GLYATL2: variants seen among roughly 807,000 people sequenced by gnomAD.
GLYATL2 encodes glycine N-acyltransferase-like protein 2.
In GLYATL2, 25 loss-of-function variants were observed where a neutral mutation model predicts 21.4. The observed-to-expected ratio is 1.17, with a 90% CI of 0.85 to 1.63. GLYATL2 has a LOEUF of 1.63. Among genes scored for constraint, GLYATL2 ranks in the 40% most tolerant of loss-of-function variants. The probability of loss-of-function intolerance (pLI) is 0.00; values close to 1 mark genes in which losing one functional copy is unlikely to be tolerated. For synonymous variants in GLYATL2, 114 were observed against 118.2 expected (o/e 0.96, Z 0.23); for missense variants, 361 against 343.3 (o/e 1.05, Z -0.41).
intron 1 of GLYATL2, among the ~76,000 whole-genome samples, chr11:58,869,777 A>G (rs552843370): frequency 7.7e-4 from 117 of 152,338 alleles, no homozygotes; most frequent in African/African-American, 2.6e-3. Context: ...GTAAAATAAA[A>G]ATAGAAATGT....
At chr11:58,851,293 G>A (rs746509997) in intron 1 of GLYATL2, among the ~76,000 whole-genome samples, 2 of 152,078 alleles carry the variant, frequency 1.3e-5, no homozygotes, top group Non-Finnish European at 2.9e-5. Context: ...GGAGAAAAAC[G>A]CACAGACCCT....
intron 1 of GLYATL2, among the ~76,000 whole-genome samples, chr11:58,873,418 G>A (rs1371933061): frequency 6.6e-6 from 1 of 152,122 alleles, no homozygotes; most frequent in African/African-American, 2.4e-5. Context: ...TATTGGCTGT[G>A]GGCTTGTCAT....
chr11:58,890,682 A>G (rs1333904984), intron 1 of GLYATL2, among the ~76,000 whole-genome samples: 3 of 152,038 alleles, frequency 2.0e-5, no homozygotes, highest in Non-Finnish European at 4.4e-5. Context: ...CATTTCTTTT[A>G]TCAGTAAATA....
intron 1 of GLYATL2, among the ~76,000 whole-genome samples, chr11:58,879,770 T>C (rs1431889497): frequency 5.3e-5 from 8 of 152,248 alleles, no homozygotes; most frequent in Middle Eastern, 3.4e-3. Flanking sequence ...TTGTAGAGCA[T>C]TGTGAATGTA....
chr11:58,894,280 G>A (rs544156962), intron 1 of GLYATL2, among the ~76,000 whole-genome samples: 1 of 152,176 alleles, frequency 6.6e-6, no homozygotes, highest in South Asian at 2.1e-4. Flanking sequence ...GATAAAAAAA[G>A]CAGAAAATTC....
rs1400414763 is a variant in GLYATL2, at chr11:58,834,838, C to T, written c.477-1G>A. The T allele has an allele frequency of 5.1e-6, 8 of 1,559,968 alleles. No homozygotes were observed. Among genetic ancestry groups the T allele is most frequent in the Admixed American group, 2.1e-5 (1 of 47,644 alleles). On this transcript the variant is annotated splice_acceptor_variant, in intron 5 of 5. Coordinates refer to ENST00000287275, the MANE Select transcript of GLYATL2 (RefSeq NM_145016.4). LOFTEE classifies it high-confidence loss of function. ...GAACATGTTTGAAAAGTTTCCTTCC[C>T]TGTGAAGAAAAAGAATTTTACATTT...
intron 1 of GLYATL2, among the ~76,000 whole-genome samples, chr11:58,894,712 A>T (rs1208883678): frequency 6.6e-6 from 1 of 152,088 alleles, no homozygotes; most frequent in African/African-American, 2.4e-5. Context: ...CTTTAAAAAA[A>T]ACTCCAATTC....
upstream of GLYATL2, among the ~76,000 whole-genome samples, chr11:58,847,738 TATCTCAGGGCCTGAGGA>T (rs1853668202): frequency 6.6e-6 from 1 of 152,344 alleles, no homozygotes; most frequent in South Asian, 2.1e-4. Flanking sequence ...AGCACATCTG[TATCTCAGGGCCTGAGGA>T]ATCTCACTGC....
chr11:58,869,818 G>A (rs1229687219), intron 1 of GLYATL2, among the ~76,000 whole-genome samples: 1 of 152,042 alleles, frequency 6.6e-6, no homozygotes, highest in African/African-American at 2.4e-5. Flanking sequence ...ATTTTTGTCT[G>A]GGTTTTATAT....
chr11:58,877,931 C>T (rs903205037), intron 1 of GLYATL2, among the ~76,000 whole-genome samples: 1 of 152,178 alleles, frequency 6.6e-6, no homozygotes, highest in Non-Finnish European at 1.5e-5. Context: ...AAATTGAAAA[C>T]CTAATTTAGT....
In GLYATL2 at chr11:58,834,655, G is replaced by T; in HGVS notation, c.659C>A (p.Ser220Tyr). Residue 220 changes from serine to tyrosine, a missense_variant, in exon 6 of 6, where the codon TCC becomes TAC. Ser to Tyr is a moderately radical substitution (Grantham distance 144). Transcript: ENST00000287275. ...AGTATAACCCATTCTCAACTCACAG[G>T]ACTGTTCCATCACAATCCAAGAGAC... ...QLVSWIVMEQ[S>Y]CELRMGYTVP... is the part of the protein sequence containing the mutation. 6.2e-7 allele frequency: 1 copy of T among 1,613,456 alleles called. No individual in the cohort carries two copies.
At position 58,834,785 on chromosome 11, in the gene GLYATL2, T is replaced by C. The variant is rs1199481461; in HGVS notation, c.529A>G (p.Asn177Asp). 6.2e-7 allele frequency: 1 copy of C among 1,612,782 alleles called. No individual in the cohort carries two copies. The highest frequency in any genetic ancestry group is 2.2e-5 in the East Asian group (1 of 44,900). ...FLDASHAGLV[N>D]EHWAFGKNER... Reference sequence around the variant, plus strand: ...TTTTTCCCAAAGGCCCAGTGTTCATTCACAAGACCTGCATGTGAAGCATCT... The same window carrying C: ...TTTTTCCCAAAGGCCCAGTGTTCATCCACAAGACCTGCATGTGAAGCATCT... The change falls in exon 6 of 6, where the codon AAT becomes GAT. Residue 177 changes from asparagine (N) to aspartate (D), a missense_variant. Asn to Asp is a conservative substitution (Grantham distance 23). Transcript: ENST00000287275.
chr11:58,891,799 G>T (rs1322775790), intron 1 of GLYATL2, among the ~76,000 whole-genome samples: 1 of 152,188 alleles, frequency 6.6e-6, no homozygotes, highest in Non-Finnish European at 1.5e-5. Context: ...GATATGTGTG[G>T]CCCAAGAGGT....
rs1854296652 is a variant in GLYATL2 at position 58,879,640 on chromosome 11, G to A, written n.60+24516C>T. On this transcript the variant is annotated intron_variant and non_coding_transcript_variant, in intron 1 of 4. Transcript: ENST00000533636. ...TACCTAGAATAGGCAAATTCCTAGA[G>A]TCATAAAGTAAAATAAAAGTTACCA... Among the ~76,000 whole-genome samples the A allele has an allele frequency of 2.6e-5, 4 of 152,076 alleles. No individual in the cohort carries two copies. The South Asian group carries it at 8.3e-4, about 32-fold the overall frequency.
chr11:58,849,873 C>A (rs1392759449), intron 1 of GLYATL2, among the ~76,000 whole-genome samples: 1 of 151,914 alleles, frequency 6.6e-6, no homozygotes, highest in East Asian at 1.9e-4. Context: ...TACCATAGCT[C>A]GCTTATACCT....
chr11:58,851,593 G>A (rs564542), intron 1 of GLYATL2, among the ~76,000 whole-genome samples: 1 of 152,120 alleles, frequency 6.6e-6, no homozygotes, highest in African/African-American at 2.4e-5. Flanking sequence ...ATAGACAATT[G>A]AGTTGGCCTT....
At chr11:58,890,165 G>T in intron 1 of GLYATL2, among the ~76,000 whole-genome samples, 1 of 152,086 alleles carries the variant, frequency 6.6e-6, no homozygotes, top group Non-Finnish European at 1.5e-5. Flanking sequence ...TATGGTCAAA[G>T]CTTAGTTCCC....
At chr11:58,860,326 T>C (rs936443610) in intron 1 of GLYATL2, among the ~76,000 whole-genome samples, 9 of 29,364 alleles carry the variant, frequency 3.1e-4, no homozygotes, top group Non-Finnish European at 2.1e-3. Context: ...ATAAGTCTTT[T>C]ACCACCTTGT....
intron 1 of GLYATL2, among the ~76,000 whole-genome samples, chr11:58,888,382 A>AT (rs1854479886): frequency 2.0e-5 from 3 of 151,946 alleles, no homozygotes; most frequent in Admixed American, 6.5e-5. Context: ...AATTAGGAAG[A>AT]TTTTTCCTAC....
Sources: allele counts gnomAD v4.1 joint callset (sites outside exome capture counted in the v4.1 genomes callset), GRCh38; gene constraint gnomAD v4.1.1; transcripts MANE v1.5; gene names NCBI Gene and HGNC (gene_info 2026-07-23, HGNC 2026-07-21).